Variants in PRKCB observed in about 807,000 individuals in gnomAD.
PRKCB encodes the protein protein kinase C beta type.
Under a neutral mutation model 81.5 loss-of-function variants are expected in PRKCB, and 13 were observed. The observed-to-expected ratio is 0.16, with a 90% confidence interval of 0.10 to 0.25. PRKCB has a LOEUF of 0.25. Among genes scored for constraint, PRKCB ranks in the 10% least tolerant of loss-of-function variants. PRKCB has a pLI of 1.00. For synonymous variants in PRKCB, 335 were observed against 321.4 expected, an observed-to-expected ratio of 1.04 and a Z score of -0.45; for missense variants, 509 against 875.7, an observed-to-expected ratio of 0.58 and a Z score of 5.29.
rs558113819 is a variant in PRKCB at position 23,952,217 on chromosome 16, C to T, written c.206-36291C>T. 1.3e-4 allele frequency among the ~76,000 whole-genome samples: 20 copies of T among 152,256 alleles called. No homozygotes were observed. The South Asian group carries it at 2.7e-3, about 21-fold the overall frequency. ...TCAGGGAGTGAATCACAAGCTCTTC[C>T]GTGGCTCAGCTGACATTTCAAAAGC... On this transcript the variant is annotated intron_variant, in intron 2 of 16. Transcript: ENST00000643927.
rs1260435375 is a variant in PRKCB, at chr16:23,869,362, AAACTT to A, written c.205+31957_205+31961del. On this transcript the variant is annotated intron_variant, in intron 2 of 16. Coordinates refer to ENST00000643927, the MANE Select transcript of PRKCB (RefSeq NM_002738.7). ...GTGACACGTAGCACGAGTAAGAGCT[AAACTT>A]CGAATATTGTAAGTCACTAGAATTT... is the stretch of plus-strand genomic sequence containing the variant. 55 of 270,738 alleles carry A rather than the reference AAACTT, an allele frequency of 2.0e-4. 1 individual carries two copies. Among genetic ancestry groups the A allele is most frequent in the Non-Finnish European group, 3.6e-4 (48 of 133,288 alleles). The allele number at this position is 270,738 out of a possible 1,614,324, so 16.8% of individuals were successfully genotyped here.
At position 24,216,847 on chromosome 16, in the gene PRKCB, C is replaced by G. The variant is rs1402186501; in HGVS notation, c.*2031C>G. On this transcript the variant is annotated 3_prime_UTR_variant, in exon 17 of 17. Coordinates refer to ENST00000643927, the MANE Select transcript of PRKCB (RefSeq NM_002738.7). ...AAAGAGGAAGGAATTTGCCCAAAGT[C>G]AGTCAGCTGGGATAAAAACCTGGGT... 1 of 985,354 alleles carries G rather than the reference C, an allele frequency of 1.0e-6. No individual in the cohort carries two copies. Among genetic ancestry groups the G allele is most frequent in the Non-Finnish European group, 1.2e-6 (1 of 829,970 alleles). 61.0% of individuals were successfully genotyped at this position (985,354 alleles called of 1,614,324 possible).
At chr16:24,039,354 G>A (rs1431173412) in intron 5 of PRKCB, among the ~76,000 whole-genome samples, 2 of 152,018 alleles carry the variant, frequency 1.3e-5, no homozygotes, top group East Asian at 1.9e-4. Flanking sequence ...TCAGCCTCCC[G>A]AGTGGCTAGG....
chr16:24,042,981 C>T (rs1199425246), intron 5 of PRKCB, among the ~76,000 whole-genome samples: 2 of 152,288 alleles, frequency 1.3e-5, no homozygotes, highest in East Asian at 3.9e-4. Context: ...AAGCAATCCT[C>T]CCACTTTGGC....
chr16:24,009,352 A>T (rs1000196395), intron 3 of PRKCB, among the ~76,000 whole-genome samples: 2 of 152,190 alleles, frequency 1.3e-5, no homozygotes, highest in African/African-American at 4.8e-5. Context: ...TTAAAAAGCT[A>T]AACATCACTA....
intron 2 of PRKCB, among the ~76,000 whole-genome samples, chr16:23,972,892 A>G (rs1019300528): frequency 1.3e-5 from 2 of 152,206 alleles, no homozygotes; most frequent in Admixed American, 6.5e-5. Context: ...GGAGGGAAAG[A>G]TATTTTTATT....
intron 2 of PRKCB, among the ~76,000 whole-genome samples, chr16:23,868,348 C>T (rs529318530): frequency 1.7e-3 from 266 of 152,324 alleles, no homozygotes; most frequent in Middle Eastern, 3.4e-3. Context: ...CTTCCCTATT[C>T]TGAGTGCCAA....
intron 16 of PRKCB, among the ~76,000 whole-genome samples, chr16:24,199,410 T>A (rs1465546267): frequency 3.9e-5 from 6 of 152,190 alleles, no homozygotes; most frequent in Non-Finnish European, 7.4e-5. Context: ...TGTGTGTGTG[T>A]CTGAATGTGT....
At chr16:24,060,403 G>A (rs1327770393) in intron 5 of PRKCB, among the ~76,000 whole-genome samples, 3 of 152,176 alleles carry the variant, frequency 2.0e-5, no homozygotes, top group Non-Finnish European at 4.4e-5. Context: ...TAGCAAAGAC[G>A]TCAGTGACCC....
intron 9 of PRKCB, among the ~76,000 whole-genome samples, chr16:24,136,360 A>T (rs1378136390): frequency 6.6e-6 from 1 of 152,170 alleles, no homozygotes; most frequent in East Asian, 1.9e-4. Flanking sequence ...GTCAAGCCAG[A>T]GTGAGTAAAG....
intron 2 of PRKCB, among the ~76,000 whole-genome samples, chr16:23,958,604 C>T (rs145249405): frequency 0.018 from 2,689 of 152,208 alleles, 80 homozygotes; most frequent in African/African-American, 0.059. Context: ...CGCCCAGCCT[C>T]TTTTTATTAT....
chr16:24,022,225 G>A (rs920375766), intron 3 of PRKCB, among the ~76,000 whole-genome samples: 1 of 152,070 alleles, frequency 6.6e-6, no homozygotes, highest in Non-Finnish European at 1.5e-5. Flanking sequence ...ACATGGGGTT[G>A]GATTCCAGCA....
intron 2 of PRKCB, among the ~76,000 whole-genome samples, chr16:23,943,443 C>A (rs1964162678): frequency 6.6e-6 from 1 of 152,136 alleles, no homozygotes; most frequent in South Asian, 2.1e-4. Flanking sequence ...GCGGGAGGAT[C>A]ACTGGAGCCC....
In PRKCB at chr16:23,843,790, CAAAAAAAAAAA is replaced by C. The variant is rs544908905; in HGVS notation, c.205+6401_205+6411del. Among the ~76,000 whole-genome samples the C allele has an allele frequency of 3.4e-4, 39 of 113,844 alleles. 1 individual carries two copies. Among genetic ancestry groups the C allele is most frequent in the African/African-American group, 1.1e-3 (30 of 28,398 alleles). 74.7% of individuals were successfully genotyped at this position (113,844 alleles called of 152,430 possible). ...CAGCATGTTTATAGTGTATCTAGGCCAAAAAAAAAAAAAAAAAAAAAAAAAAATAGAAGATA... is the reference window on the plus strand; with the variant it reads ...CAGCATGTTTATAGTGTATCTAGGCCAAAAAAAAAAAAAAAATAGAAGATA... On this transcript the variant is annotated intron_variant, in intron 2 of 16. Transcript: ENST00000643927.
chr16:24,055,319 C>T (rs1158722190), intron 5 of PRKCB, among the ~76,000 whole-genome samples: 1 of 152,250 alleles, frequency 6.6e-6, no homozygotes. Flanking sequence ...TCAGCCGCTG[C>T]TGAGTCCTCA....
intron 16 of PRKCB, among the ~76,000 whole-genome samples, chr16:24,212,363 A>T: frequency 8.9e-6 from 1 of 112,782 alleles, no homozygotes; most frequent in Non-Finnish European, 1.7e-5. Flanking sequence ...GGTTTTTATT[A>T]CTCTTGTTAT....
chr16:24,109,333 G>A, intron 7 of PRKCB, among the ~76,000 whole-genome samples: 1 of 96,262 alleles, frequency 1.0e-5, no homozygotes, highest in African/African-American at 4.8e-5. Flanking sequence ...GGGCGGAGAC[G>A]CTCCTCACTT....
chr16:24,075,871 A>G (rs1473116864), intron 5 of PRKCB, among the ~76,000 whole-genome samples: 1 of 152,214 alleles, frequency 6.6e-6, no homozygotes, highest in African/African-American at 2.4e-5. Flanking sequence ...AAAGTGTGTT[A>G]AAATACAGGT....
At chr16:23,998,939 G>A (rs1964994736) in intron 3 of PRKCB, among the ~76,000 whole-genome samples, 1 of 152,188 alleles carries the variant, frequency 6.6e-6, no homozygotes, top group African/African-American at 2.4e-5. Flanking sequence ...CATGAGGAGA[G>A]CAGGAAGTAC....
Sources: gnomAD v4.1 joint callset for allele counts (sites outside exome capture counted in the v4.1 genomes callset) on GRCh38, gnomAD v4.1.1 for gene constraint, MANE v1.5 for transcripts, NCBI Gene and HGNC (gene_info 2026-07-23, HGNC 2026-07-21) for gene names.